The following COL6A3 variants were observed in gnomAD, a reference collection of about 807,000 sequenced individuals.
COL6A3 encodes collagen alpha-3(VI) chain.
Under a neutral mutation model 274.1 loss-of-function variants are expected in COL6A3, and 137 were observed. The ratio of observed to expected loss-of-function variants is 0.50; its 90% CI spans 0.44 to 0.58. The LOEUF (loss-of-function observed/expected upper bound fraction) is 0.58. Among genes scored for constraint, COL6A3 ranks in the 20% least tolerant of loss-of-function variants. COL6A3 has a pLI of 0.00. For synonymous variants in COL6A3, 1,650 were observed against 1,650.6 expected (o/e 1.00, Z 0.01); for missense variants, 3,950 against 4,124.9 (o/e 0.96, Z 1.16).
chr2:237,363,157 T>G, intron 14 of COL6A3, 96 bp downstream of exon 14: 92 of 997,850 alleles, frequency 9.2e-5, no homozygotes, highest in East Asian at 1.2e-4. Context: ...CCCCCCCACC[T>G]CCATTCACCT....
intron 25 of COL6A3, 33 bp from the exon 26 acceptor site, chr2:237,352,617 T>C (rs1161343295): frequency 6.3e-7 from 1 of 1,598,584 alleles, no homozygotes; most frequent in South Asian, 1.1e-5. Context: ...TGAGTGCTAA[T>C]GAGGTGACTT....
chr2:237,350,110 C>A (rs1222037524), intron 28 of COL6A3, 37 bp downstream of exon 28: 1 of 1,606,046 alleles, frequency 6.2e-7, no homozygotes, highest in Non-Finnish European at 8.5e-7. Context: ...AGCAAAGAGT[C>A]AGCGACAGCC....
chr2:237,375,603 C>CT (rs2077817821), intron 7 of COL6A3, among the ~76,000 whole-genome samples: 1 of 152,152 alleles, frequency 6.6e-6, no homozygotes, highest in Non-Finnish European at 1.5e-5. Context: ...AGTGCAGTGG[C>CT]GCAATCTCAG....
At chr2:237,360,412 G>C (rs1271579990) in intron 16 of COL6A3, among the ~76,000 whole-genome samples, 1 of 152,098 alleles carries the variant, frequency 6.6e-6, no homozygotes, top group African/African-American at 2.4e-5. Flanking sequence ...ACTGCCCTGT[G>C]GGGCAAGGGT....
chr2:237,412,807 C>T (rs2078888678), intron 1 of COL6A3, among the ~76,000 whole-genome samples: 2 of 152,142 alleles, frequency 1.3e-5, no homozygotes, highest in Non-Finnish European at 2.9e-5. Flanking sequence ...CTGTGGTCCT[C>T]GCCGGGGTGA....
At chr2:237,363,458 T>C in intron 13 of COL6A3, 60 bp from the exon 14 acceptor site, 1 of 1,590,822 alleles carries the variant, frequency 6.3e-7, no homozygotes, top group Non-Finnish European at 8.6e-7. Context: ...GCAATGTCCT[T>C]TTTTCCTGAC....
chr2:237,341,979 G>T, intron 37 of COL6A3, 86 bp downstream of exon 37: 1 of 1,137,754 alleles, frequency 8.8e-7, no homozygotes, highest in Non-Finnish European at 1.3e-6. Flanking sequence ...TCTTTTTACA[G>T]ATCATCATTA....
At chr2:237,388,548 C>A (rs2078211336) in intron 3 of COL6A3, among the ~76,000 whole-genome samples, 1 of 152,200 alleles carries the variant, frequency 6.6e-6, no homozygotes, top group South Asian at 2.1e-4. Context: ...TTGTCCACTA[C>A]CAAACCTACC....
rs2106350461 is a variant in COL6A3, at chr2:237,366,831, C to T, written c.5356G>A (p.Val1786Ile). 3 of 1,614,258 alleles carry T rather than the reference C, an allele frequency of 1.9e-6. No homozygotes were observed. Among genetic ancestry groups the T allele is most frequent in the East Asian group, 2.2e-5 (1 of 44,892 alleles). ...GCGCTGTTGGACGCTATCTTTCCAA[C>T]CTCCTCCGAGTCGATATTCCTCACT... The part of the protein sequence containing the change: ...VGVRNIDSEE[V>I]GKIASNSATA... Residue 1786 changes from valine (V) to isoleucine (I), a missense_variant, in exon 11 of 44, where the codon GTT (valine) becomes ATT (isoleucine). Physicochemically the swap from Val to Ile is conservative, Grantham distance 29. Transcript: ENST00000295550.
At chr2:237,363,232 A>G (rs1264762588) in intron 14 of COL6A3, 21 bp downstream of exon 14, 2 of 1,606,274 alleles carry the variant, frequency 1.2e-6, no homozygotes, top group African/African-American at 2.8e-5. Context: ...GTCTGTGTAT[A>G]AAGACATAAA....
intron 43 of COL6A3, 89 bp downstream of exon 43, chr2:237,325,471 A>G: frequency 5.1e-6 from 7 of 1,367,704 alleles, no homozygotes; most frequent in Non-Finnish European, 7.3e-6. Context: ...ATGTATCATA[A>G]TCATTGCACT....
At position 237,344,387 on chromosome 2, in the gene COL6A3, G is replaced by A. The variant is rs1239743836; in HGVS notation, c.7631C>T (p.Thr2544Ile). Reference protein sequence around the residue: ...SDAGITPLFLTRQEDRQLINA... With the variant: ...SDAGITPLFLIRQEDRQLINA... ...GATGAGCTGCCGGTCTTCCTGCCTT[G>A]TAAGGAACAAGGGGGTGATCCCCGC... Residue 2544 changes from threonine (T) to isoleucine (I), a missense_variant, in exon 36 of 44, where the codon ACA (threonine) becomes ATA (isoleucine). Transcript: ENST00000295550. The surrounding 1 kb of genome is among the most constrained non-coding windows in gnomAD (Gnocchi z 4.8). 1.2e-6 allele frequency: 2 copies of A among 1,614,204 alleles called. No individual in the cohort carries two copies. The highest frequency in any genetic ancestry group is 1.7e-6 in the Non-Finnish European group (2 of 1,180,006).
At position 237,378,873 on chromosome 2, in the gene COL6A3, G is replaced by T. The variant is rs763798987; in HGVS notation, c.2260C>A (p.Gln754Lys). Residue 754 changes from glutamine (Q) to lysine (K), a missense_variant, in exon 6 of 44, where the codon CAG becomes AAG. Physicochemically the swap from Gln to Lys is moderately conservative, Grantham distance 53. Transcript: ENST00000295550. ...GCTTGCAAATAGGAGTCCTCAGACTGCCCAGCTGTGAGCAGAAGCAGGAGC... is the reference window on the plus strand; with the variant it reads ...GCTTGCAAATAGGAGTCCTCAGACTTCCCAGCTGTGAGCAGAAGCAGGAGC... ...PQLLLLLTAGQSEDSYLQAAN... is the reference protein window; with the variant it reads ...PQLLLLLTAGKSEDSYLQAAN... 1.2e-6 allele frequency: 2 copies of T among 1,614,250 alleles called. No homozygotes were observed. Among genetic ancestry groups the T allele is most frequent in the Non-Finnish European group, 1.7e-6 (2 of 1,180,040 alleles).
In COL6A3 at chr2:237,337,564, C is replaced by A. The variant is rs113364925; in HGVS notation, c.8568-1032G>T. Among the ~76,000 whole-genome samples the A allele has an allele frequency of 3.7e-3, 558 of 152,296 alleles. 7 individuals carry two copies. The highest frequency in any genetic ancestry group is 0.013 in the African/African-American group (521 of 41,550). ...TTCCCCATCTTGAGAGTCAGCTAGT[C>A]GTAAGCCAGATAGTCATTTTTCAAG... On this transcript the variant is annotated intron_variant, in intron 39 of 43. Transcript: ENST00000295550.
intron 43 of COL6A3, among the ~76,000 whole-genome samples, chr2:237,325,216 T>C (rs1259897744): frequency 6.6e-6 from 1 of 152,216 alleles, no homozygotes; most frequent in African/African-American, 2.4e-5. Flanking sequence ...AGCAAAACTA[T>C]TTAAAAGATA....
Position 237,368,326 on chromosome 2 carries a change from C to T in COL6A3, c.4900+237G>A, listed in dbSNP as rs567855097. ...CAATGAGTTTGTAATTATCTCAGTG[C>T]AACACTGCAGAACCTTTCAATGGGG... is the stretch of plus-strand genomic sequence containing the variant. On this transcript the variant is annotated intron_variant, in intron 10 of 43. Transcript: ENST00000295550. The surrounding 1 kb of genome is among the most constrained non-coding windows in gnomAD (Gnocchi z 4.4). Among the ~76,000 whole-genome samples the T allele has an allele frequency of 1.3e-5, 2 of 152,286 alleles. No homozygotes were observed. The highest frequency in any genetic ancestry group is 3.9e-4 in the East Asian group (2 of 5,184).
At chr2:237,363,550 T>C (rs2077484985) in intron 13 of COL6A3, 152 bp from the exon 14 acceptor site, 1 of 857,324 alleles carries the variant, frequency 1.2e-6, no homozygotes, top group Non-Finnish European at 1.8e-6. Context: ...TACTCTGAAT[T>C]GTTGAAATAC....
Position 237,334,747 on chromosome 2 carries a change from C to G in COL6A3, c.9108G>C (p.Gln3036His), listed in dbSNP as rs908005938. ...TGACGCGGTCCGTGACCGTGAGGTTCTGCTTCAGAACCAGGGACTGATCAT... is the reference window on the plus strand; with the variant it reads ...TGACGCGGTCCGTGACCGTGAGGTTGTGCTTCAGAACCAGGGACTGATCAT... ...SAHDQSLVLKQNLTVTDRVIG... is the reference protein window; with the variant it reads ...SAHDQSLVLKHNLTVTDRVIG... Residue 3036 changes from glutamine (Q) to histidine (H), a missense_variant, in exon 41 of 44, where the codon CAG becomes CAC. Coordinates refer to ENST00000295550, the MANE Select transcript of COL6A3 (RefSeq NM_004369.4). 1.2e-6 allele frequency: 2 copies of G among 1,614,172 alleles called. No individual in the cohort carries two copies. The highest frequency in any genetic ancestry group is 2.7e-5 in the African/African-American group (2 of 75,050).
chr2:237,344,293 A>G lies in COL6A3; in HGVS notation c.7668+57T>C. The G allele has an allele frequency of 6.2e-7, 1 of 1,613,264 alleles. No homozygotes were observed. Among genetic ancestry groups the G allele is most frequent in the South Asian group, 1.1e-5 (1 of 90,906 alleles). Reference sequence around the variant, plus strand: ...CAAAGGAGCATGGACGTGTCTGAGAACCTTCTCAGAGCCCCAGAAGAAAGG... The same window carrying G: ...CAAAGGAGCATGGACGTGTCTGAGAGCCTTCTCAGAGCCCCAGAAGAAAGG... On this transcript the variant is annotated intron_variant, in intron 36 of 43. Transcript: ENST00000295550. This position sits in a 1 kb window ranked among gnomAD's most constrained non-coding sequence, Gnocchi z 4.8.
Sources: gnomAD v4.1 joint callset for allele counts (sites outside exome capture counted in the v4.1 genomes callset) on GRCh38, gnomAD v4.1.1 for gene constraint, Gnocchi (gnomAD v3.1) non-coding constraint, MANE v1.5 for transcripts, NCBI Gene and HGNC (gene_info 2026-07-23, HGNC 2026-07-21) for gene names.